Variants in LARGE1 observed in about 807,000 individuals in gnomAD.
LARGE1 encodes xylosyl- and glucuronyltransferase LARGE1.
In LARGE1, 43 loss-of-function variants were observed where a neutral mutation model predicts 87.6. The observed-to-expected ratio is 0.49, with a 90% confidence interval of 0.38 to 0.63. The LOEUF (loss-of-function observed/expected upper bound fraction) is 0.63. Ranked by LOEUF, LARGE1 falls within the 30% of genes least tolerant of loss-of-function variation. LARGE1 has a pLI of 0.00. For synonymous variants in LARGE1, 434 were observed against 394.6 expected (o/e 1.10, Z -1.18); for missense variants, 802 against 1,000.2 (o/e 0.80, Z 2.67).
chr22:33,646,404 G>A (rs1034144131), intron 3 of LARGE1, among the ~76,000 whole-genome samples: 1 of 152,096 alleles, frequency 6.6e-6, no homozygotes, highest in Non-Finnish European at 1.5e-5. Flanking sequence ...ATGGACACAG[G>A]GAGGGGAACA....
chr22:33,130,176 T>C, the LARGE1 span, among the ~76,000 whole-genome samples: 51,904 of 149,732 alleles, frequency 0.35, 9,171 homozygotes, highest in South Asian at 0.46. Flanking sequence ...TAGCCGGGCG[T>C]GGTGGTGGGC....
chr22:33,816,881 T>C (rs1220562544), intron 1 of LARGE1, among the ~76,000 whole-genome samples: 1 of 152,140 alleles, frequency 6.6e-6, no homozygotes, highest in Non-Finnish European at 1.5e-5. Context: ...CCAGGAAAAG[T>C]GAGTCTAACG....
intron 6 of LARGE1, chr22:33,436,460 T>C (rs2067275863): frequency 6.5e-6 from 1 of 153,308 alleles, no homozygotes; most frequent in African/African-American, 2.4e-5. Flanking sequence ...AGATTCTTGC[T>C]AAAAGCACAG....
chr22:33,696,082 G>C (rs958477968), intron 2 of LARGE1, among the ~76,000 whole-genome samples: 4 of 152,080 alleles, frequency 2.6e-5, no homozygotes, highest in Non-Finnish European at 4.4e-5. Context: ...TGACCGCTTG[G>C]TGAGTGGCAT....
chr22:33,374,144 GT>G, intron 9 of LARGE1, among the ~76,000 whole-genome samples: 1 of 152,066 alleles, frequency 6.6e-6, no homozygotes, highest in Non-Finnish European at 1.5e-5. Context: ...CCTGCTCAAG[GT>G]GCTAGTTTTC....
the LARGE1 span, among the ~76,000 whole-genome samples, chr22:33,096,026 T>TAGACG: frequency 6.6e-6 from 1 of 152,182 alleles, no homozygotes; most frequent in African/African-American, 2.4e-5. Context: ...ACTTCCTGCG[T>TAGACG]CTAGGCATAG....
At chr22:33,178,661 A>G (rs1923005157) in intron 11 of LARGE1, among the ~76,000 whole-genome samples, 1 of 152,220 alleles carries the variant, frequency 6.6e-6, no homozygotes, top group Non-Finnish European at 1.5e-5. Flanking sequence ...GTCTGACTTG[A>G]AGAACAGAAT....
At chr22:33,660,721 T>G (rs1284361252) in intron 2 of LARGE1, among the ~76,000 whole-genome samples, 1 of 152,248 alleles carries the variant, frequency 6.6e-6, no homozygotes, top group Non-Finnish European at 1.5e-5. Context: ...CCATAACGAT[T>G]TTATCCTTTG....
chr22:33,129,042 A>G, the LARGE1 span, among the ~76,000 whole-genome samples: 2 of 152,366 alleles, frequency 1.3e-5, no homozygotes, highest in African/African-American at 2.4e-5. Context: ...ACGTTTACCT[A>G]TGTAGCAAGC....
chr22:33,325,965 C>CA (rs1404861867), intron 10 of LARGE1, among the ~76,000 whole-genome samples: 1 of 152,190 alleles, frequency 6.6e-6, no homozygotes, highest in Non-Finnish European at 1.5e-5. Context: ...AAACCTAACC[C>CA]AGAGCTTGTC....
At chr22:33,512,861 C>T (rs1269622448) in intron 6 of LARGE1, among the ~76,000 whole-genome samples, 1 of 152,192 alleles carries the variant, frequency 6.6e-6, no homozygotes, top group Non-Finnish European at 1.5e-5. Context: ...TATGATTCTT[C>T]TCTTTTCCCC....
At chr22:33,339,013 T>C (rs1011657269) in intron 9 of LARGE1, among the ~76,000 whole-genome samples, 2 of 151,910 alleles carry the variant, frequency 1.3e-5, no homozygotes, top group African/African-American at 4.8e-5. Context: ...CTGGGCGTGG[T>C]GGCAGGTGCT....
rs147869087 is a variant in LARGE1, at chr22:33,749,315, T to A, written c.106+12056A>T. ...TTTCAGTAGAGATGGGGTTTCTCCA[T>A]GTTGGTCAGGCTGGTCTCGAACTCC... On this transcript the variant is annotated intron_variant, in intron 2 of 14. Coordinates refer to ENST00000397394, the MANE Select transcript of LARGE1 (RefSeq NM_133642.5). Among the ~76,000 whole-genome samples, 310 of 152,294 alleles carry A rather than the reference T, an allele frequency of 2.0e-3. 3 individuals carry two copies. The highest frequency in any genetic ancestry group is 7.0e-3 in the African/African-American group (289 of 41,564).
At chr22:33,156,403 C>T in the LARGE1 span, among the ~76,000 whole-genome samples, 2 of 152,198 alleles carry the variant, frequency 1.3e-5, no homozygotes, top group African/African-American at 2.4e-5. Context: ...CCACCTCTTA[C>T]ATTAATGTTA....
In LARGE1 at chr22:33,264,889, CTTTTTTTTT is replaced by C. The variant is rs200074908; in HGVS notation, c.1730+39331_1730+39339del. On this transcript the variant is annotated intron_variant, in intron 11 of 11. Transcript: ENST00000608642. The stretch of plus-strand genomic sequence containing the variant: ...CTCCCCTTTGACATCTGATCAAATT[CTTTTTTTTT>C]TTTTTTTTTTTTTTTGAGATGGAGT... 2.6e-4 allele frequency among the ~76,000 whole-genome samples: 19 copies of C among 74,374 alleles called. No individual in the cohort carries two copies. In the East Asian group the frequency reaches 7.8e-3, roughly 30 times the overall value. 48.8% of individuals were successfully genotyped at this position (74,374 alleles called of 152,430 possible).
chr22:33,715,634 C>A (rs1045847891), intron 2 of LARGE1, among the ~76,000 whole-genome samples: 1 of 152,174 alleles, frequency 6.6e-6, no homozygotes, highest in Middle Eastern at 3.2e-3. Flanking sequence ...CAGGCCCTAA[C>A]CCCCAGAGCA....
chr22:33,823,327 T>G (rs2062692440), intron 1 of LARGE1, among the ~76,000 whole-genome samples: 1 of 152,222 alleles, frequency 6.6e-6, no homozygotes, highest in African/African-American at 2.4e-5. Context: ...TAATGCTGGC[T>G]TCCTTGCCTG....
chr22:33,324,261 C>A (rs200914464), intron 10 of LARGE1, among the ~76,000 whole-genome samples: 334 of 93,778 alleles, frequency 3.6e-3, no homozygotes, highest in Admixed American at 5.0e-3. Flanking sequence ...AAAAAAAAGC[C>A]AAAAAAACAA....
intron 1 of LARGE1, among the ~76,000 whole-genome samples, chr22:33,786,853 C>CAGTA (rs1281927284): frequency 2.1e-4 from 32 of 152,014 alleles, no homozygotes; most frequent in Admixed American, 2.1e-3. Context: ...AACTCCGTCT[C>CAGTA]TACTAAAAAA....
Sources: allele counts gnomAD v4.1 joint callset (sites outside exome capture counted in the v4.1 genomes callset), GRCh38; gene constraint gnomAD v4.1.1; transcripts MANE v1.5; gene names NCBI Gene and HGNC (gene_info 2026-07-23, HGNC 2026-07-21).